Variants in RCOR2 observed in about 807,000 individuals in gnomAD.
RCOR2 encodes the protein REST corepressor 2.
In RCOR2, 19 loss-of-function variants were observed where a neutral mutation model predicts 58.9. The ratio of observed to expected loss-of-function variants is 0.32; its 90% CI spans 0.23 to 0.47. The LOEUF is 0.47. Ranked by LOEUF, RCOR2 falls within the 20% of genes least tolerant of loss-of-function variation. RCOR2 has a pLI of 1.00. For missense variants in RCOR2, 590 were observed against 707.9 expected (o/e 0.83, Z 1.89); for synonymous variants, 286 against 278.7 (o/e 1.03, Z -0.26).
chr11:63,914,087 A>G lies in RCOR2; in HGVS notation c.758T>C (p.Leu253Ser). ...VQVSQYRHHP[L>S]RTRRRPPKGM... is the part of the protein sequence containing the mutation. ...CTTGGGTGGGCGACGCCGGGTTCGC[A>G]AGGGATGGTGGCGGTACTGAGACAC... Residue 253 changes from leucine (L) to serine (S), a missense_variant, in exon 8 of 12, where the codon TTG (leucine) becomes TCG (serine). Physicochemically the swap from Leu to Ser is moderately radical, Grantham distance 145. Transcript: ENST00000301459. 1 of 1,613,920 alleles carries G rather than the reference A, an allele frequency of 6.2e-7. No individual in the cohort carries two copies. The highest frequency in any genetic ancestry group is 8.5e-7 in the Non-Finnish European group (1 of 1,180,018).
At chr11:63,921,756 C>T (rs1401310162), upstream of RCOR2, among the ~76,000 whole-genome samples, 1 of 152,246 alleles carries the variant, frequency 6.6e-6, no homozygotes, top group Non-Finnish European at 1.5e-5. Flanking sequence ...CCCCTCTGCC[C>T]ATGGCTCACT....
At chr11:63,925,135 G>A in the RCOR2 span, among the ~76,000 whole-genome samples, 1 of 152,110 alleles carries the variant, frequency 6.6e-6, no homozygotes, top group South Asian at 2.1e-4. Context: ...TTACAGGTGT[G>A]AGCCACTGCG....
the RCOR2 span, among the ~76,000 whole-genome samples, chr11:63,923,905 CTTTTA>C: frequency 7.9e-5 from 12 of 152,184 alleles, no homozygotes; most frequent in Admixed American, 2.0e-4. Context: ...ATCCCTCTTC[CTTTTA>C]TTTTATTTAT....
At chr11:63,926,779 G>GTTTTTTTTTTTTTTTTT in the RCOR2 span, among the ~76,000 whole-genome samples, 1 of 119,242 alleles carries the variant, frequency 8.4e-6, no homozygotes, top group Non-Finnish European at 1.8e-5. Flanking sequence ...TGCCTGGCCT[G>GTTTTTTTTTTTTTTTTT]TTTTTTTTTT....
In RCOR2 at chr11:63,914,673, G is replaced by A. The variant is rs774106706; in HGVS notation, c.462C>T (p.Phe154=). 31 of 1,607,614 alleles carry A rather than the reference G, an allele frequency of 1.9e-5. No homozygotes were observed. The South Asian group carries it at 3.4e-4, about 18-fold the overall frequency. The change falls in exon 5 of 12, where the codon TTC becomes TTT. Residue 154 remains phenylalanine, a synonymous_variant. Transcript: ENST00000301459. ...GCTTTACCATCTGCTGGATCCGCTG[G>A]AAGCATTTGCCATGGAAGCCAAAGG... ...EQAFGFHGKC[F]QRIQQMLPDK...
At chr11:63,920,375 C>G (rs572398987), upstream of RCOR2, among the ~76,000 whole-genome samples, 38 of 152,246 alleles carry the variant, frequency 2.5e-4, no homozygotes, top group African/African-American at 7.9e-4. Flanking sequence ...CCTTGCCGCT[C>G]CCTCCTCCCG....
chr11:63,913,184 A>ATTTTTTT (rs71039683), intron 8 of RCOR2, among the ~76,000 whole-genome samples: 14 of 77,886 alleles, frequency 1.8e-4, no homozygotes, highest in African/African-American at 2.3e-4. Flanking sequence ...ATATATATAT[A>ATTTTTTT]TTTTTTTTTT....
the RCOR2 span, among the ~76,000 whole-genome samples, chr11:63,926,787 T>TTTTTTTG: frequency 2.2e-4 from 32 of 147,536 alleles, no homozygotes; most frequent in African/African-American, 7.8e-4. Flanking sequence ...CTGTTTTTTT[T>TTTTTTTG]TTTTGTTTTG....
At position 63,912,667 on chromosome 11, in the gene RCOR2, T is replaced by C; in HGVS notation, c.1027+9A>G. On this transcript the variant is annotated intron_variant, in intron 10 of 11. Coordinates refer to ENST00000301459, the MANE Select transcript of RCOR2 (RefSeq NM_173587.4). ...TGGGGTCCTCTCTTCTCACCACAGT[T>C]TAACCCACCTTGAACAGCCAAAAGC... 6.2e-7 allele frequency: 1 copy of C among 1,613,966 alleles called. No homozygotes were observed. Among genetic ancestry groups the C allele is most frequent in the African/African-American group, 1.3e-5 (1 of 75,014 alleles).
rs2134249358 is a variant in RCOR2 at position 63,916,838 on chromosome 11, T to G, written c.-382A>C. On this transcript the variant is annotated 5_prime_UTR_variant, in exon 1 of 12. Transcript: ENST00000301459. Reference sequence around the variant, plus strand: ...CCACCTGCCCACGCCGTTCAGCGGCTGGGCGCTGGAGCGCAATCTGCGCCC... The same window carrying G: ...CCACCTGCCCACGCCGTTCAGCGGCGGGGCGCTGGAGCGCAATCTGCGCCC... The G allele has an allele frequency of 5.3e-6, 1 of 186,932 alleles. No individual in the cohort carries two copies. Among genetic ancestry groups the G allele is most frequent in the East Asian group, 1.5e-4 (1 of 6,784 alleles). The allele number at this position is 186,932 out of a possible 1,614,324, so 11.6% of individuals were successfully genotyped here. A position where few individuals can be genotyped will look rare whatever the true frequency, so the allele number is the denominator to read the frequency against.
chr11:63,924,831 A>G, the RCOR2 span, among the ~76,000 whole-genome samples: 59 of 148,100 alleles, frequency 4.0e-4, no homozygotes, highest in African/African-American at 1.4e-3. Flanking sequence ...TTACAGGCAC[A>G]TGCTACCATG....
At chr11:63,923,991 C>A in the RCOR2 span, among the ~76,000 whole-genome samples, 1 of 152,208 alleles carries the variant, frequency 6.6e-6, no homozygotes, top group African/African-American at 2.4e-5. Context: ...TCACCACAAC[C>A]TCCGCCTCCT....
intron 8 of RCOR2, among the ~76,000 whole-genome samples, chr11:63,913,626 G>A (rs1281641937): frequency 9.2e-5 from 14 of 152,150 alleles, no homozygotes; most frequent in African/African-American, 3.4e-4. Context: ...GGGATTACAG[G>A]TGTGTGCCAC....
At chr11:63,921,364 C>T (rs535757000), upstream of RCOR2, among the ~76,000 whole-genome samples, 3 of 152,296 alleles carry the variant, frequency 2.0e-5, no homozygotes, top group Admixed American at 6.5e-5. Flanking sequence ...CTGAGCCTGG[C>T]GCCATGTTCC....
Position 63,912,908 on chromosome 11 carries a change from C to T in RCOR2, c.931G>A (p.Ala311Thr). The T allele has an allele frequency of 6.2e-7, 1 of 1,613,664 alleles. No homozygotes were observed. Among genetic ancestry groups the T allele is most frequent in the East Asian group, 2.2e-5 (1 of 44,866 alleles). ...AGTGGATCAATACCGCCCTCCAGGG[C>T]TTGGCGCAGGCTGCTGTTCGTCTGC... is the stretch of plus-strand genomic sequence containing the variant. ...MKQTNSSLRQ[A>T]LEGGIDPLRP... Residue 311 changes from alanine to threonine, a missense_variant, in exon 9 of 12, where the codon GCC becomes ACC. Coordinates refer to ENST00000301459, the MANE Select transcript of RCOR2 (RefSeq NM_173587.4).
In RCOR2 at chr11:63,916,568, T is replaced by C; in HGVS notation, c.-112A>G. 1 of 1,441,012 alleles carries C rather than the reference T, an allele frequency of 6.9e-7. No individual in the cohort carries two copies. Among genetic ancestry groups the C allele is most frequent in the Non-Finnish European group, 9.1e-7 (1 of 1,098,554 alleles). 89.3% of individuals were successfully genotyped at this position (1,441,012 alleles called of 1,614,324 possible). The stretch of plus-strand genomic sequence containing the variant: ...CGGCCTGGAGAGGTCGCCACTGAGG[T>C]TAGGAGAGGCAGGAGGTCAGCGTGG... On this transcript the variant is annotated 5_prime_UTR_variant, in exon 1 of 12. Coordinates refer to ENST00000301459, the MANE Select transcript of RCOR2 (RefSeq NM_173587.4).
At chr11:63,926,773 T>G in the RCOR2 span, among the ~76,000 whole-genome samples, 3 of 112,744 alleles carry the variant, frequency 2.7e-5, no homozygotes, top group Non-Finnish European at 4.0e-5. Context: ...CCACTGTGCC[T>G]GGCCTGTTTT....
chr11:63,922,501 C>T, the RCOR2 span, among the ~76,000 whole-genome samples: 5 of 152,244 alleles, frequency 3.3e-5, no homozygotes, highest in Non-Finnish European at 5.9e-5. Flanking sequence ...TACAGACATG[C>T]GCCACCACGC....
chr11:63,918,054 C>T (rs571859601), upstream of RCOR2, among the ~76,000 whole-genome samples: 14 of 152,094 alleles, frequency 9.2e-5, no homozygotes, highest in Non-Finnish European at 1.8e-4. Flanking sequence ...CTGCGAGCTG[C>T]GCCCGTGCCC....
Sources: gnomAD v4.1 joint callset for allele counts (sites outside exome capture counted in the v4.1 genomes callset) on GRCh38, gnomAD v4.1.1 for gene constraint, MANE v1.5 for transcripts, NCBI Gene and HGNC (gene_info 2026-07-23, HGNC 2026-07-21) for gene names.